ENPP3: variants seen among roughly 807,000 people sequenced by gnomAD.
The protein encoded by ENPP3 is ectonucleotide pyrophosphatase/phosphodiesterase family member 3.
ENPP3 carries 104 observed loss-of-function variants against 117.8 expected under a neutral mutation model. That is an observed-to-expected ratio of 0.88 (90% CI 0.75 to 1.04). The LOEUF (loss-of-function observed/expected upper bound fraction) is 1.04. ENPP3 is among the 50% of genes least tolerant of loss of function. The pLI is 0.00. For missense variants in ENPP3, 1,026 were observed against 1,051.9 expected (o/e 0.98, Z 0.34); for synonymous variants, 380 against 349.9 (o/e 1.09, Z -0.96).
rs1778932071 is a variant in ENPP3, at chr6:131,678,907, C to CTCTCTT, written c.1011+970_1011+971insCTTTCT. ...CCTTCTTTTCCCTTTCTTTCTTTCTCTCTTTCTTTCTTTCTTTCTTTCTTT... is the reference window on the plus strand; with the variant it reads ...CCTTCTTTTCCCTTTCTTTCTTTCTCTCTCTTTCTTTCTTTCTTTCTTTCTTTCTTT... On this transcript the variant is annotated intron_variant, in intron 11 of 24. Transcript: ENST00000357639. 7.0e-5 allele frequency among the ~76,000 whole-genome samples: 5 copies of CTCTCTT among 71,762 alleles called. No individual in the cohort carries two copies. In the South Asian group the frequency reaches 1.9e-3, roughly 27 times the overall value. 47.1% of individuals were successfully genotyped at this position (71,762 alleles called of 152,430 possible).
At chr6:131,696,995 T>C (rs1425499261) in intron 15 of ENPP3, among the ~76,000 whole-genome samples, 2 of 152,120 alleles carry the variant, frequency 1.3e-5, no homozygotes, top group Non-Finnish European at 2.9e-5. Flanking sequence ...GGTCTCAATC[T>C]CCTGACCTCA....
chr6:131,722,597 G>C (rs571838911), intron 18 of ENPP3, among the ~76,000 whole-genome samples, 192 bp downstream of exon 18: 1 of 152,286 alleles, frequency 6.6e-6, no homozygotes, highest in South Asian at 2.1e-4. Context: ...AGATTAAGTA[G>C]GGAAATATGC....
chr6:131,693,651 T>A, intron 15 of ENPP3, 27 bp downstream of exon 15: 1 of 1,602,348 alleles, frequency 6.2e-7, no homozygotes, highest in South Asian at 1.1e-5. Context: ...ACTTATCTCA[T>A]AATGCCTTTA....
At position 131,688,762 on chromosome 6, in the gene ENPP3, A is replaced by G. The variant is rs556525082; in HGVS notation, c.1284+2855A>G. On this transcript the variant is annotated intron_variant, in intron 14 of 24. Transcript: ENST00000357639. ...TTTGTTAGTGAGATATAAAGAAAGA[A>G]GTCTTCTGGCCAGGTGCGGTGGCTG... 3.7e-4 allele frequency among the ~76,000 whole-genome samples: 57 copies of G among 152,200 alleles called. 1 individual carries two copies. The highest frequency in any genetic ancestry group is 1.3e-3 in the African/African-American group (56 of 41,552).
chr6:131,729,004 C>T (rs1780217022), intron 20 of ENPP3, among the ~76,000 whole-genome samples: 1 of 152,132 alleles, frequency 6.6e-6, no homozygotes. Flanking sequence ...AATCAAATAA[C>T]TTTTCAGAGT....
chr6:131,652,960 G>T, intron 5 of ENPP3, 69 bp downstream of exon 5: 1 of 1,003,750 alleles, frequency 1.0e-6, no homozygotes, highest in South Asian at 1.4e-5. Flanking sequence ...GTAGTTAGTT[G>T]AGACGCAGAG....
At position 131,722,363 on chromosome 6, in the gene ENPP3, G is replaced by T; in HGVS notation, c.1704G>T (p.Leu568Phe). ...CTGTTTGTGGCTTTGCTAATCCATT[G>T]CCCACAGAGTCTCTTGACTGTTTCT... ...KFSVCGFANP[L>F]PTESLDCFCP... The change falls in exon 18 of 25, where the codon TTG becomes TTT. Residue 568 changes from leucine to phenylalanine, a missense_variant. Transcript: ENST00000357639. The T allele has an allele frequency of 6.2e-7, 1 of 1,614,012 alleles. No homozygotes were observed. The highest frequency in any genetic ancestry group is 8.5e-7 in the Non-Finnish European group (1 of 1,179,972).
At chr6:131,745,891 G>A (rs1346444751) in intron 24 of ENPP3, among the ~76,000 whole-genome samples, 1 of 152,038 alleles carries the variant, frequency 6.6e-6, no homozygotes, top group African/African-American at 2.4e-5. Context: ...GGCCAAGGTG[G>A]GTGGATCACC....
chr6:131,677,236 A>AAATAAAAAAAGAAATTATTCCTGGC (rs1778889217), intron 10 of ENPP3, among the ~76,000 whole-genome samples: 1 of 152,202 alleles, frequency 6.6e-6, no homozygotes, highest in Non-Finnish European at 1.5e-5. Flanking sequence ...TCTCTCTCAA[A>AAATAAAAAAAGAAATTATTCCTGGC]AATAAAAAAA....
chr6:131,720,249 T>A (rs1389976583), intron 16 of ENPP3, 43 bp from the exon 17 acceptor site: 11 of 1,242,194 alleles, frequency 8.9e-6, no homozygotes, highest in Non-Finnish European at 1.2e-5. Flanking sequence ...GTTTTTGAAT[T>A]TGGATGACAT....
intron 14 of ENPP3, among the ~76,000 whole-genome samples, chr6:131,688,362 G>T (rs934079762): frequency 1.3e-5 from 2 of 152,122 alleles, no homozygotes; most frequent in African/African-American, 4.8e-5. Context: ...AAAGTAAAAG[G>T]AATAGTGACA....
intron 21 of ENPP3, among the ~76,000 whole-genome samples, chr6:131,736,896 C>T (rs1034307573): frequency 1.3e-5 from 2 of 152,142 alleles, no homozygotes; most frequent in Non-Finnish European, 2.9e-5. Context: ...CCTTGTCTCT[C>T]CCAGCTTCTG....
intron 6 of ENPP3, among the ~76,000 whole-genome samples, chr6:131,666,024 T>C (rs1039103989): frequency 6.6e-6 from 1 of 152,196 alleles, no homozygotes; most frequent in African/African-American, 2.4e-5. Context: ...CAGTTTTCCC[T>C]GTAATATAGA....
chr6:131,646,936 A>T (rs1161953684), intron 2 of ENPP3, among the ~76,000 whole-genome samples: 2 of 149,302 alleles, frequency 1.3e-5, no homozygotes, highest in Non-Finnish European at 3.0e-5. Context: ...GAATTTGAGG[A>T]GATGGAAGAG....
intron 20 of ENPP3, among the ~76,000 whole-genome samples, chr6:131,731,099 T>C (rs1210263626): frequency 2.4e-4 from 36 of 152,192 alleles, no homozygotes; most frequent in Non-Finnish European, 1.6e-4. Context: ...GCTCTTTCTG[T>C]TACCTTTTCT....
At position 131,722,382 on chromosome 6, in the gene ENPP3, T is replaced by G. The variant is rs773255038; in HGVS notation, c.1723T>G (p.Cys575Gly). The change falls in exon 18 of 25, where the codon TGT becomes GGT. Residue 575 changes from cysteine (C) to glycine (G), a missense_variant. Cys to Gly is a radical substitution (Grantham distance 159). Transcript: ENST00000357639. ...ANPLPTESLD[C>G]FCPHLQNSTQ... ...TCCATTGCCCACAGAGTCTCTTGAC[T>G]GTTTCTGCCCTCACCTACAAAATGT... is the stretch of plus-strand genomic sequence containing the variant. 21 of 1,613,958 alleles carry G rather than the reference T, an allele frequency of 1.3e-5. No individual in the cohort carries two copies. Among genetic ancestry groups the G allele is most frequent in the Non-Finnish European group, 1.7e-5 (20 of 1,179,940 alleles).
chr6:131,726,378 A>T (rs1472723760), intron 20 of ENPP3, among the ~76,000 whole-genome samples, 178 bp downstream of exon 20: 3 of 152,224 alleles, frequency 2.0e-5, no homozygotes, highest in African/African-American at 7.2e-5. Flanking sequence ...ACACGGGTGC[A>T]AAAGAGGAAC....
chr6:131,726,917 C>T (rs201812676), intron 20 of ENPP3, among the ~76,000 whole-genome samples: 83 of 152,108 alleles, frequency 5.5e-4, no homozygotes, highest in Admixed American at 5.4e-3. Context: ...AAATAGGAAC[C>T]GCAAGTCCAT....
At chr6:131,646,203 A>T (rs981709524) in intron 2 of ENPP3, among the ~76,000 whole-genome samples, 1 of 151,880 alleles carries the variant, frequency 6.6e-6, no homozygotes, top group Non-Finnish European at 1.5e-5. Context: ...GGGGTCTTTT[A>T]AAAAAATTAT....
Sources: allele counts gnomAD v4.1 joint callset (sites outside exome capture counted in the v4.1 genomes callset), GRCh38; gene constraint gnomAD v4.1.1; transcripts MANE v1.5; gene names NCBI Gene and HGNC (gene_info 2026-07-23, HGNC 2026-07-21).